Variants in GSN observed in about 807,000 individuals in gnomAD.
GSN encodes the protein gelsolin.
Under a neutral mutation model 85.7 loss-of-function variants are expected in GSN, and 56 were observed. That is an observed-to-expected ratio of 0.65 (90% confidence interval 0.53 to 0.82). GSN has a LOEUF of 0.82. Among genes scored for constraint, GSN ranks in the 40% least tolerant of loss-of-function variants. The pLI, the probability that GSN is intolerant of heterozygous loss-of-function variation, is 0.00. For missense variants in GSN, 857 were observed against 979.8 expected, an observed-to-expected ratio of 0.87 and a Z score of 1.67; for synonymous variants, 373 against 399.1, an observed-to-expected ratio of 0.93 and a Z score of 0.78.
intron 4 of GSN, among the ~76,000 whole-genome samples, chr9:121,220,514 A>G (rs1040235749): frequency 1.3e-5 from 2 of 149,588 alleles, no homozygotes; most frequent in African/African-American, 2.4e-5. Flanking sequence ...CAGGTTGAGG[A>G]ACTTTGCCAC....
intron 6 of GSN, among the ~76,000 whole-genome samples, chr9:121,262,939 C>T (rs944611294): frequency 6.6e-6 from 1 of 152,198 alleles, no homozygotes; most frequent in Non-Finnish European, 1.5e-5. Flanking sequence ...CCAATAAAAA[C>T]GTGCTAAACA....
chr9:121,226,789 G>A (rs1379696086), intron 4 of GSN, among the ~76,000 whole-genome samples: 1 of 152,190 alleles, frequency 6.6e-6, no homozygotes, highest in Non-Finnish European at 1.5e-5. Context: ...CCCGGATGGG[G>A]GCTGGTCACC....
chr9:121,239,760 C>G lies in GSN; in HGVS notation c.-389+8457C>G, dbSNP rs556725222. 5 of 271,888 alleles carry G rather than the reference C, an allele frequency of 1.8e-5. No homozygotes were observed. In the South Asian group the frequency reaches 1.9e-4, roughly 10 times the overall value. The allele number at this position is 271,888 out of a possible 1,614,324, so 16.8% of individuals were successfully genotyped here. A position where few individuals can be genotyped will look rare whatever the true frequency, so the allele number is the denominator to read the frequency against. On this transcript the variant is annotated intron_variant, in intron 5 of 24. Transcript: ENST00000373823. ...ATACCCAACAAAGCATATCCTCAGA[C>G]ACTGATGTTTGGAGAATATCCCCAG...
chr9:121,251,531 T>C (rs2054836045), intron 6 of GSN, among the ~76,000 whole-genome samples: 1 of 152,040 alleles, frequency 6.6e-6, no homozygotes, highest in African/African-American at 2.4e-5. Flanking sequence ...TTTGCAATTA[T>C]TTTTAAAATC....
At chr9:121,203,778 C>T (rs2053841111), upstream of GSN, among the ~76,000 whole-genome samples, 1 of 152,134 alleles carries the variant, frequency 6.6e-6, no homozygotes, top group South Asian at 2.1e-4. Context: ...ATATCTCTCT[C>T]AAATAGGTCT....
rs1049756487 is a variant in GSN at position 121,324,755 on chromosome 9, A to G, written c.1416+111A>G. ...CGTTTGTCCATCTGTCTGTCTGTCC[A>G]TCCATCCATCCATCCATCCATCCAT... is the stretch of plus-strand genomic sequence containing the variant. On this transcript the variant is annotated intron_variant, in intron 12 of 17. Transcript: ENST00000432226. 874 of 493,350 alleles carry G rather than the reference A, an allele frequency of 1.8e-3. 6 individuals are homozygous for G. The highest frequency in any genetic ancestry group is 0.016 in the African/African-American group (755 of 47,160). The allele number at this position is 493,350 out of a possible 1,614,324, so 30.6% of individuals were successfully genotyped here. A position where few individuals can be genotyped will look rare whatever the true frequency, so the allele number is the denominator to read the frequency against.
At chr9:121,322,255 T>C (rs2062571376) in intron 11 of GSN, among the ~76,000 whole-genome samples, 1 of 152,210 alleles carries the variant, frequency 6.6e-6, no homozygotes, top group South Asian at 2.1e-4. Context: ...ATTTATAGCC[T>C]GGTCCCTCCC....
At chr9:121,218,503 C>T (rs1258568633) in intron 4 of GSN, among the ~76,000 whole-genome samples, 2 of 152,102 alleles carry the variant, frequency 1.3e-5, no homozygotes, top group African/African-American at 2.4e-5. Flanking sequence ...GGCATCATGA[C>T]GTGTACCCAT....
At chr9:121,298,121 C>T (rs2059388659) in intron 2 of GSN, among the ~76,000 whole-genome samples, 1 of 152,174 alleles carries the variant, frequency 6.6e-6, no homozygotes, top group South Asian at 2.1e-4. Flanking sequence ...GACACCGAGA[C>T]AAAGTTCAGA....
chr9:121,239,888 A>G (rs1051227488), intron 5 of GSN: 5 of 182,656 alleles, frequency 2.7e-5, no homozygotes, highest in Admixed American at 2.7e-4. Context: ...ATCAGCGTCT[A>G]TGGGAAACTT....
intron 4 of GSN, among the ~76,000 whole-genome samples, chr9:121,225,605 C>T (rs553408260): frequency 6.6e-6 from 1 of 152,330 alleles, no homozygotes; most frequent in African/African-American, 2.4e-5. Flanking sequence ...TGGAAAAGAA[C>T]TCAGGTTTTC....
In GSN at chr9:121,310,999, C is replaced by T. The variant is rs2061064686; in HGVS notation, c.513+154C>T. 4 of 709,298 alleles carry T rather than the reference C, an allele frequency of 5.6e-6. No individual in the cohort carries two copies. The Admixed American group carries it at 8.6e-5, about 15-fold the overall frequency. The allele number at this position is 709,298 out of a possible 1,614,324, so 43.9% of individuals were successfully genotyped here. A position where few individuals can be genotyped will look rare whatever the true frequency, so the allele number is the denominator to read the frequency against. On this transcript the variant is annotated intron_variant, in intron 5 of 17. Coordinates refer to ENST00000432226, the MANE Select transcript of GSN (RefSeq NM_198252.3). Reference sequence around the variant, plus strand: ...GTACAGATATGTCTGTATGCAAAGACTCCCACAAATGTAGACTCACACCAC... The same window carrying T: ...GTACAGATATGTCTGTATGCAAAGATTCCCACAAATGTAGACTCACACCAC...
At chr9:121,314,146 G>C in intron 7 of GSN, 123 bp downstream of exon 7, 1 of 764,750 alleles carries the variant, frequency 1.3e-6, no homozygotes, top group Non-Finnish European at 2.3e-6. Context: ...GGGGGCCTCA[G>C]CTTTCTCACG....
intron 12 of GSN, 119 bp downstream of exon 12, chr9:121,324,763 A>C: frequency 1.5e-6 from 1 of 660,782 alleles, no homozygotes; most frequent in Non-Finnish European, 2.8e-6. Flanking sequence ...CCATCCATCC[A>C]TCCATCCATC....
intron 10 of GSN, among the ~76,000 whole-genome samples, chr9:121,320,341 G>T (rs1385919875): frequency 6.6e-6 from 1 of 152,184 alleles, no homozygotes; most frequent in Non-Finnish European, 1.5e-5. Context: ...GCCTCTGCAG[G>T]TGACCTATGA....
At chr9:121,259,462 C>T (rs1212923911) in intron 6 of GSN, among the ~76,000 whole-genome samples, 1 of 152,092 alleles carries the variant, frequency 6.6e-6, no homozygotes, top group Non-Finnish European at 1.5e-5. Flanking sequence ...GAGAGTTAAA[C>T]AGGGGGAAAG....
Position 121,318,617 on chromosome 9 carries a change from C to T in GSN, c.976-48C>T, listed in dbSNP as rs1330392726. 6.5e-7 allele frequency: 1 copy of T among 1,532,306 alleles called. No individual in the cohort carries two copies. Among genetic ancestry groups the T allele is most frequent in the Non-Finnish European group, 9.0e-7 (1 of 1,106,540 alleles). The allele number at this position is 1,532,306 out of a possible 1,614,324, so 94.9% of individuals were successfully genotyped here. On this transcript the variant is annotated intron_variant, in intron 9 of 17. Transcript: ENST00000432226. This position sits in a 1 kb window ranked among gnomAD's most constrained non-coding sequence, Gnocchi z 4.3. ...GTATCTGAGGCTCCCCTGGGGACCCCTGCTGGGCAGCCCAGCCACATCCTG... is the reference window on the plus strand; with the variant it reads ...GTATCTGAGGCTCCCCTGGGGACCCTTGCTGGGCAGCCCAGCCACATCCTG...
chr9:121,237,854 A>G (rs1267473917), intron 5 of GSN, among the ~76,000 whole-genome samples: 1 of 152,248 alleles, frequency 6.6e-6, no homozygotes, highest in Non-Finnish European at 1.5e-5. Context: ...GCAAACATCA[A>G]TAAGAAAACG....
At chr9:121,222,678 T>C (rs2054191959) in intron 4 of GSN, among the ~76,000 whole-genome samples, 1 of 152,214 alleles carries the variant, frequency 6.6e-6, no homozygotes. Context: ...GGTGAATCCA[T>C]ATGGATCTGC....
Sources: gnomAD v4.1 joint callset for allele counts (sites outside exome capture counted in the v4.1 genomes callset) on GRCh38, gnomAD v4.1.1 for gene constraint, Gnocchi (gnomAD v3.1) non-coding constraint, MANE v1.5 for transcripts, NCBI Gene and HGNC (gene_info 2026-07-23, HGNC 2026-07-21) for gene names.